Variants in TNXB observed in about 807,000 individuals in gnomAD.
TNXB encodes tenascin XB, also known as tenascin-X.
In TNXB, 183 loss-of-function variants were observed where a neutral mutation model predicts 340.5. The ratio of observed to expected loss-of-function variants is 0.54; its 90% CI spans 0.48 to 0.61. The LOEUF is 0.61. Among genes scored for constraint, TNXB ranks in the 20% least tolerant of loss-of-function variants. The pLI, the probability that TNXB is intolerant of heterozygous loss-of-function variation, is 0.00. For synonymous variants in TNXB, 2,121 were observed against 2,314.5 expected, an observed-to-expected ratio of 0.92 and a Z score of 2.40; for missense variants, 4,613 against 5,446.4, an observed-to-expected ratio of 0.85 and a Z score of 4.82.
Position 32,072,774 on chromosome 6 carries a change from AC to A in TNXB, c.4682-477del, listed in dbSNP as rs1380319295. 2.6e-5 allele frequency among the ~76,000 whole-genome samples: 4 copies of A among 152,210 alleles called. No homozygotes were observed. Among genetic ancestry groups the A allele is most frequent in the Admixed American group, 6.5e-5 (1 of 15,274 alleles). ...AGGCCAGCCTGGCCAACATGGCGAA[AC>A]CCTGTTTCTACTAAAAATACAAAAA... On this transcript the variant is annotated intron_variant, in intron 12 of 43. Transcript: ENST00000644971. This position sits in a 1 kb window ranked among gnomAD's most constrained non-coding sequence, Gnocchi z 4.4.
Position 32,067,183 on chromosome 6 carries a change from G to GAA in TNXB, c.6544+476_6544+477dup, listed in dbSNP as rs1468797172. On this transcript the variant is annotated intron_variant, in intron 18 of 43. Transcript: ENST00000644971. This position sits in a 1 kb window ranked among gnomAD's most constrained non-coding sequence, Gnocchi z 4.2. ...AGAAAGAAAGAAAGAAAGAAAGAAAGAAAACATTCTAGTGATTCTAGTGGA... is the reference window on the plus strand; with the variant it reads ...AGAAAGAAAGAAAGAAAGAAAGAAAGAAAAAACATTCTAGTGATTCTAGTGGA... Among the ~76,000 whole-genome samples the GAA allele has an allele frequency of 1.3e-5, 2 of 150,618 alleles. No homozygotes were observed. The highest frequency in any genetic ancestry group is 2.5e-5 in the African/African-American group (1 of 40,738).
chr6:32,041,726 C>G, intron 43 of TNXB, 45 bp downstream of exon 43: 1 of 845,812 alleles, frequency 1.2e-6, no homozygotes. Flanking sequence ...CTAGGCAGGC[C>G]GAGCCCCAGC....
In TNXB at chr6:32,081,786, C is replaced by T. The variant is rs1020316057; in HGVS notation, c.3737-113G>A. ...GTGGGGGGTCACTAGTCCATTAATTCGAGTGCTAAACTTCTGGGAAGCCTG... is the reference window on the plus strand; with the variant it reads ...GTGGGGGGTCACTAGTCCATTAATTTGAGTGCTAAACTTCTGGGAAGCCTG... On this transcript the variant is annotated intron_variant, in intron 9 of 43. Transcript: ENST00000644971. The surrounding 1 kb of genome is among the most constrained non-coding windows in gnomAD (Gnocchi z 5.1). The T allele has an allele frequency of 3.3e-5, 24 of 725,378 alleles. No individual in the cohort carries two copies. The highest frequency in any genetic ancestry group is 5.7e-5 in the South Asian group (3 of 52,454). 44.9% of individuals were successfully genotyped at this position (725,378 alleles called of 1,614,324 possible). A position where few individuals can be genotyped will look rare whatever the true frequency, so the allele number is the denominator to read the frequency against.
intron 1 of TNXB, among the ~76,000 whole-genome samples, chr6:32,106,609 C>G (rs1274048965): frequency 6.6e-6 from 1 of 152,190 alleles, no homozygotes; most frequent in Non-Finnish European, 1.5e-5. Flanking sequence ...CTGCTACCAG[C>G]CAGCAAGAGA....
chr6:32,072,166 T>A lies in TNXB; in HGVS notation c.4814A>T (p.Asp1605Val). Residue 1605 changes from aspartate (D) to valine (V), a missense_variant, in exon 13 of 44, where the codon GAC becomes GTC. Asp to Val is a radical substitution (Grantham distance 152). Transcript: ENST00000644971. The surrounding 1 kb of genome is among the most constrained non-coding windows in gnomAD (Gnocchi z 4.4). ...LSWTVPEGEF[D>V]SFVVQYKDRD... is the part of the protein sequence containing the mutation. ...GTCCTTGTACTGAACCACAAAGGAG[T>A]CGAATTCACCCTCAGGGACTGTCCA... 2 of 1,613,126 alleles carry A rather than the reference T, an allele frequency of 1.2e-6. No homozygotes were observed.
intron 26 of TNXB, among the ~76,000 whole-genome samples, chr6:32,050,602 A>T (rs1777228483): frequency 6.7e-6 from 1 of 148,308 alleles, no homozygotes; most frequent in Admixed American, 6.8e-5. Context: ...TGGCCTCTGC[A>T]CCCTTACCCT....
In TNXB at chr6:32,085,898, C is replaced by A. The variant is rs1779739279; in HGVS notation, c.3000G>T (p.Gly1000=). 6.2e-7 allele frequency: 1 copy of A among 1,608,306 alleles called. No individual in the cohort carries two copies. Among genetic ancestry groups the A allele is most frequent in the Non-Finnish European group, 8.5e-7 (1 of 1,178,726 alleles). The part of the protein sequence containing the change: ...YFQLRMRVPE[G]PGAHEEVLPG... Reference sequence around the variant, plus strand: ...GCAGCACTTCCTCATGTGCCCCCGGCCCCTCGGGCACCCGCATGCGCAGTT... The same window carrying A: ...GCAGCACTTCCTCATGTGCCCCCGGACCCTCGGGCACCCGCATGCGCAGTT... Residue 1000 remains glycine, a synonymous_variant, in exon 7 of 44, where the codon GGG becomes GGT. Transcript: ENST00000644971. This position sits in a 1 kb window ranked among gnomAD's most constrained non-coding sequence, Gnocchi z 6.4.
In TNXB at chr6:32,046,997, A is replaced by C. The variant is rs1432040577; in HGVS notation, c.10325-541T>G. On this transcript the variant is annotated intron_variant, in intron 30 of 43. Coordinates refer to ENST00000644971, the MANE Select transcript of TNXB (RefSeq NM_001365276.2). This position sits in a 1 kb window ranked among gnomAD's most constrained non-coding sequence, Gnocchi z 6.9. ...GCTTCCCCAGCCCCACACTGACCCC[A>C]CTGGGCCGGGGCAGCCAGGGTGGGG... Among the ~76,000 whole-genome samples, 1 of 152,078 alleles carries C rather than the reference A, an allele frequency of 6.6e-6. No individual in the cohort carries two copies. Among genetic ancestry groups the C allele is most frequent in the Non-Finnish European group, 1.5e-5 (1 of 67,994 alleles).
At chr6:32,063,556 A>C (rs1470955891) in intron 19 of TNXB, among the ~76,000 whole-genome samples, 1 of 152,184 alleles carries the variant, frequency 6.6e-6, no homozygotes, top group Non-Finnish European at 1.5e-5. Context: ...GAGAGATGAG[A>C]CCACATGAGG....
rs1778425068 is a variant in TNXB at position 32,067,187 on chromosome 6, A to AAAGAAAGAAAGAAAG, written c.6544+473_6544+474insCTTTCTTTCTTTCTT. Among the ~76,000 whole-genome samples, 2 of 92,176 alleles carry AAAGAAAGAAAGAAAG rather than the reference A, an allele frequency of 2.2e-5. No individual in the cohort carries two copies. The highest frequency in any genetic ancestry group is 3.6e-5 in the African/African-American group (1 of 27,498). The allele number at this position is 92,176 out of a possible 152,430, so 60.5% of individuals were successfully genotyped here. A position where few individuals can be genotyped will look rare whatever the true frequency, so the allele number is the denominator to read the frequency against. ...AGAAAGAAAGAAAGAAAGAAAGAAAACATTCTAGTGATTCTAGTGGAGGAA... is the reference window on the plus strand; with the variant it reads ...AGAAAGAAAGAAAGAAAGAAAGAAAAAAGAAAGAAAGAAAGCATTCTAGTGATTCTAGTGGAGGAA... On this transcript the variant is annotated intron_variant, in intron 18 of 43. Coordinates refer to ENST00000644971, the MANE Select transcript of TNXB (RefSeq NM_001365276.2). The surrounding 1 kb of genome is among the most constrained non-coding windows in gnomAD (Gnocchi z 4.2).
At chr6:32,063,047 C>T (rs12195671) in intron 19 of TNXB, among the ~76,000 whole-genome samples, 4,217 of 151,030 alleles carry the variant, frequency 0.028, 93 homozygotes, top group South Asian at 0.091. Flanking sequence ...AGCGAGACTC[C>T]TTCTCAAGAA....
chr6:32,058,198 C>T lies in TNXB; in HGVS notation c.7685G>A (p.Arg2562Gln), dbSNP rs200233352. The T allele has an allele frequency of 7.8e-5, 126 of 1,612,230 alleles. No individual in the cohort carries two copies. The highest frequency in any genetic ancestry group is 5.3e-5 in the Non-Finnish European group (63 of 1,179,872). The stretch of plus-strand genomic sequence containing the variant: ...GCCCCCAACACGCACCGCCTGGGGC[C>T]GCCCGTCCCTGTCCTTGTACTGCAC... ...FTVQYKDRDG[R>Q]PQAVRVGGQE... The change falls in exon 22 of 44, where the codon CGG (arginine) becomes CAG (glutamine). Residue 2562 changes from arginine (R) to glutamine (Q), a missense_variant. Arg to Gln is a conservative substitution (Grantham distance 43). This residue lies in a region of TNXB where 4,327 missense variants were observed against 4,859.4 expected (regional missense o/e 0.89). Transcript: ENST00000644971. The surrounding 1 kb of genome is among the most constrained non-coding windows in gnomAD (Gnocchi z 5.1).
rs1018603938 is a variant in TNXB at position 32,046,166 on chromosome 6, C to A, written c.10606+9G>T. 1 of 1,576,804 alleles carries A rather than the reference C, an allele frequency of 6.3e-7. No homozygotes were observed. Among genetic ancestry groups the A allele is most frequent in the African/African-American group, 1.3e-5 (1 of 74,394 alleles). On this transcript the variant is annotated intron_variant, in intron 31 of 43. Coordinates refer to ENST00000644971, the MANE Select transcript of TNXB (RefSeq NM_001365276.2). The surrounding 1 kb of genome is among the most constrained non-coding windows in gnomAD (Gnocchi z 6.9). ...GCTGGCTTGCTATAGCCAGGCACAG[C>A]AGCCTCACCTGTCATTCCCAGGGCA...
chr6:32,058,054 T>C lies in TNXB; in HGVS notation c.7825+4A>G, dbSNP rs751787296. On this transcript the variant is annotated splice_donor_region_variant and intron_variant, in intron 22 of 43. Transcript: ENST00000644971. This position sits in a 1 kb window ranked among gnomAD's most constrained non-coding sequence, Gnocchi z 5.1. The stretch of plus-strand genomic sequence containing the variant: ...CCAACCCTGCCCCACCCACACTCAC[T>C]CACCTGTGACGCCCACGGCAGACAC... 4.4e-6 allele frequency: 7 copies of C among 1,600,526 alleles called. No individual in the cohort carries two copies. Among genetic ancestry groups the C allele is most frequent in the African/African-American group, 1.3e-5 (1 of 74,500 alleles).
In TNXB at chr6:32,095,938, C is replaced by T. The variant is rs756672906; in HGVS notation, c.1915G>A (p.Asp639Asn). The T allele has an allele frequency of 6.2e-6, 10 of 1,612,848 alleles. No homozygotes were observed. Among genetic ancestry groups the T allele is most frequent in the Non-Finnish European group, 6.8e-6 (8 of 1,179,714 alleles). The change falls in exon 3 of 44, where the codon GAC (aspartate) becomes AAC (asparagine). Residue 639 changes from aspartate to asparagine, a missense_variant. Asp to Asn is a conservative substitution (Grantham distance 23). Coordinates refer to ENST00000644971, the MANE Select transcript of TNXB (RefSeq NM_001365276.2). ...GRCEEGRCLC[D>N]PGYTGPTCAT... is the part of the protein sequence containing the mutation. ...CAGGTAGGGCCGGTGTAGCCTGGGT[C>T]GCACAGGCAGCGCCCTTCCTCACAG... is the stretch of plus-strand genomic sequence containing the variant.
rs933108282 is a variant in TNXB, at chr6:32,108,236, T to C, written c.-9+945A>G. 2.0e-5 allele frequency among the ~76,000 whole-genome samples: 3 copies of C among 152,042 alleles called. No individual in the cohort carries two copies. Among genetic ancestry groups the C allele is most frequent in the Non-Finnish European group, 2.9e-5 (2 of 67,994 alleles). ...AGGCAGCAGCTGTGGTGTTTCCGAG[T>C]TGCTTCCCAGTAGTTCCTCTCAGTT... On this transcript the variant is annotated intron_variant, in intron 1 of 43. Transcript: ENST00000644971. This position sits in a 1 kb window ranked among gnomAD's most constrained non-coding sequence, Gnocchi z 4.8.
Position 32,053,712 on chromosome 6 carries a change from C to G in TNXB, c.8468-1G>C. 1.2e-6 allele frequency: 2 copies of G among 1,611,146 alleles called. No individual in the cohort carries two copies. The highest frequency in any genetic ancestry group is 1.7e-6 in the Non-Finnish European group (2 of 1,178,368). On this transcript the variant is annotated splice_acceptor_variant, in intron 24 of 43. Coordinates refer to ENST00000644971, the MANE Select transcript of TNXB (RefSeq NM_001365276.2). LOFTEE classifies it high-confidence loss of function. ...GTGGTCTCTGCTTCATCCTCTGGAG[C>G]TGGACAGACACGTGTGGGGAGAGTG...
At chr6:32,054,303 C>G (rs989407693) in intron 24 of TNXB, among the ~76,000 whole-genome samples, 2 of 152,226 alleles carry the variant, frequency 1.3e-5, no homozygotes, top group African/African-American at 2.4e-5. Flanking sequence ...TTAGCTCCCA[C>G]GGATGAACTT....
rs547136479 is a variant in TNXB at position 32,074,281 on chromosome 6, C to A, written c.4376-329G>T. Among the ~76,000 whole-genome samples the A allele has an allele frequency of 1.3e-5, 2 of 152,202 alleles. No homozygotes were observed. Among genetic ancestry groups the A allele is most frequent in the South Asian group, 4.1e-4 (2 of 4,820 alleles). On this transcript the variant is annotated intron_variant, in intron 11 of 43. Coordinates refer to ENST00000644971, the MANE Select transcript of TNXB (RefSeq NM_001365276.2). This position sits in a 1 kb window ranked among gnomAD's most constrained non-coding sequence, Gnocchi z 5.5. ...CTCAGGTGATCCACCTGCCTCAGCC[C>A]CCAAAGTGCTGGGATTACAGGTGTG...
Sources: allele counts gnomAD v4.1 joint callset (sites outside exome capture counted in the v4.1 genomes callset), GRCh38; gene constraint gnomAD v4.1.1; regional missense constraint gnomAD v4.1.1; non-coding constraint Gnocchi (gnomAD v3.1); transcripts MANE v1.5; gene names NCBI Gene and HGNC (gene_info 2026-07-23, HGNC 2026-07-21).